The following ACSL5 variants were observed in gnomAD, a reference collection of about 807,000 sequenced individuals.
The protein encoded by ACSL5 is long-chain-fatty-acid--CoA ligase 5.
ACSL5 carries 50 observed loss-of-function variants against 84.9 expected under a neutral mutation model. The observed-to-expected ratio is 0.59, with a 90% CI of 0.47 to 0.75. ACSL5 has a LOEUF of 0.75. ACSL5 is among the 30% of genes least tolerant of loss of function. The probability of loss-of-function intolerance (pLI) is 0.00; values close to 1 mark genes in which losing one functional copy is unlikely to be tolerated. For synonymous variants in ACSL5, 280 were observed against 300.7 expected, an observed-to-expected ratio of 0.93 and a Z score of 0.71; for missense variants, 775 against 830.4, an observed-to-expected ratio of 0.93 and a Z score of 0.82.
chr10:112,406,597 G>A (rs1376099779), intron 5 of ACSL5: 1 of 152,190 alleles, frequency 6.6e-6, no homozygotes, highest in African/African-American at 2.4e-5. Context: ...CTTCAAGCTT[G>A]CTAATGTGTA....
rs116434083 is a variant in ACSL5 at position 112,409,908 on chromosome 10, A to G, written c.711+223A>G. On this transcript the variant is annotated intron_variant, in intron 7 of 20. Transcript: ENST00000354655. ...CTGTGGCCAGCTGTATGGACTTCTA[A>G]GTGGATAATATATAAATAGGGGTTT... 3.3e-3 allele frequency among the ~76,000 whole-genome samples: 504 copies of G among 152,264 alleles called. 3 individuals are homozygous for G. Among genetic ancestry groups the G allele is most frequent in the African/African-American group, 0.011 (475 of 41,558 alleles).
intron 11 of ACSL5, 81 bp from the exon 12 acceptor site, chr10:112,413,092 A>G (rs1406448425): frequency 6.6e-7 from 1 of 1,507,680 alleles, no homozygotes; most frequent in Non-Finnish European, 9.1e-7. Flanking sequence ...GCCTCAGCCC[A>G]CCTCCTGAAT....
At chr10:112,423,962 C>CCAAAA (rs1386544599) in intron 17 of ACSL5, among the ~76,000 whole-genome samples, 7 of 152,118 alleles carry the variant, frequency 4.6e-5, no homozygotes, top group East Asian at 1.9e-4. Flanking sequence ...TCTGTGTCTA[C>CCAAAA]CAAAACAAAA....
chr10:112,409,888 G>T (rs1234774855), intron 7 of ACSL5, among the ~76,000 whole-genome samples: 1 of 152,196 alleles, frequency 6.6e-6, no homozygotes, highest in Non-Finnish European at 1.5e-5. Context: ...AAGTTCTGTG[G>T]CCAGCTGTAT....
intron 14 of ACSL5, among the ~76,000 whole-genome samples, 164 bp downstream of exon 14, chr10:112,418,105 G>A: frequency 6.6e-6 from 1 of 152,204 alleles, no homozygotes; most frequent in East Asian, 1.9e-4. Context: ...AGGCATCTGT[G>A]TGTAGAAACC....
chr10:112,375,881 G>C (rs1357115908), intron 1 of ACSL5, among the ~76,000 whole-genome samples: 1 of 152,206 alleles, frequency 6.6e-6, no homozygotes, highest in Non-Finnish European at 1.5e-5. Flanking sequence ...GAAGGTGTTT[G>C]TGTGGGTCTG....
chr10:112,421,796 T>G (rs1844472011), intron 15 of ACSL5, 131 bp downstream of exon 15: 17 of 1,300,410 alleles, frequency 1.3e-5, no homozygotes, highest in Non-Finnish European at 1.9e-5. Flanking sequence ...AAGTTTTGGG[T>G]CCAGGCCTGC....
chr10:112,410,149 T>C, intron 7 of ACSL5: 1 of 1,324,022 alleles, frequency 7.6e-7, no homozygotes, highest in Non-Finnish European at 9.8e-7. Context: ...TAATAAGCTC[T>C]GAAAATGTTA....
At chr10:112,403,429 G>A (rs993386823) in intron 3 of ACSL5, among the ~76,000 whole-genome samples, 1 of 152,216 alleles carries the variant, frequency 6.6e-6, no homozygotes, top group Non-Finnish European at 1.5e-5. Context: ...TGGAATTACA[G>A]GCATGTGCTG....
chr10:112,395,443 A>T (rs561251204), intron 2 of ACSL5, among the ~76,000 whole-genome samples: 9 of 152,304 alleles, frequency 5.9e-5, no homozygotes, highest in African/African-American at 2.2e-4. Context: ...GGCATGTCCC[A>T]CAAAGCCTAA....
chr10:112,391,711 G>A (rs529760688), intron 1 of ACSL5, among the ~76,000 whole-genome samples: 12 of 152,268 alleles, frequency 7.9e-5, no homozygotes, highest in African/African-American at 2.9e-4. Context: ...ATGTGTTCTT[G>A]TTTATCCCAT....
At chr10:112,415,639 T>C (rs1844298283) in intron 12 of ACSL5, among the ~76,000 whole-genome samples, 1 of 152,212 alleles carries the variant, frequency 6.6e-6, no homozygotes. Context: ...ACAATGATAA[T>C]GTTATAGGCA....
intron 2 of ACSL5, chr10:112,396,023 C>T: frequency 6.6e-6 from 1 of 152,436 alleles, no homozygotes; most frequent in Non-Finnish European, 1.5e-5. Flanking sequence ...GAGTAGTTTG[C>T]TTATCGATTT....
Position 112,398,961 on chromosome 10 carries a change from G to C in ACSL5, c.217G>C (p.Asp73His). The change falls in exon 3 of 21, where the codon GAT becomes CAT. Residue 73 changes from aspartate to histidine, a missense_variant. Asp to His is a moderately conservative substitution (Grantham distance 81, BLOSUM62 -1). Coordinates refer to ENST00000354655, the MANE Select transcript of ACSL5 (RefSeq NM_203379.2). Reference protein sequence around the residue: ...NNDLTSCCFSDAKTMYEVFQR... With the variant: ...NNDLTSCCFSHAKTMYEVFQR... ...TGACCTAACAAGTTGCTGCTTCTCA[G>C]ATGCCAAGACTATGTATGAGGTTTT... is the stretch of plus-strand genomic sequence containing the variant. 6.2e-7 allele frequency: 1 copy of C among 1,614,108 alleles called. No individual in the cohort carries two copies. Among genetic ancestry groups the C allele is most frequent in the Non-Finnish European group, 8.5e-7 (1 of 1,180,000 alleles).
intron 1 of ACSL5, among the ~76,000 whole-genome samples, chr10:112,388,910 CT>C (rs1849505513): frequency 1.3e-5 from 2 of 152,144 alleles, no homozygotes; most frequent in South Asian, 2.1e-4. Context: ...AATACAGAGG[CT>C]TCCAGATGGG....
chr10:112,409,610 G>A lies in ACSL5; in HGVS notation c.636G>A (p.Met212Ile). The stretch of plus-strand genomic sequence containing the variant: ...CGAGCCTGAAGGTGATCATCCTTAT[G>A]GACCCCTTTGATGATGACCTGAAGC... ...FTPSLKVIIL[M>I]DPFDDDLKQR... is the part of the protein sequence containing the mutation. The change falls in exon 7 of 21, where the codon ATG becomes ATA. Residue 212 changes from methionine (M) to isoleucine (I), a missense_variant. Met to Ile is a conservative substitution (Grantham distance 10). Coordinates refer to ENST00000354655, the MANE Select transcript of ACSL5 (RefSeq NM_203379.2). The A allele has an allele frequency of 6.2e-7, 1 of 1,614,164 alleles. No individual in the cohort carries two copies. Among genetic ancestry groups the A allele is most frequent in the Non-Finnish European group, 8.5e-7 (1 of 1,180,016 alleles).
At position 112,410,445 on chromosome 10, in the gene ACSL5, G is replaced by A; in HGVS notation, c.712-18G>A. Reference sequence around the variant, plus strand: ...ATCTCAACTAATGTCTTTCTTTCTTGGTTTTCCATTCACATAGAACCTAGG... The same window carrying A: ...ATCTCAACTAATGTCTTTCTTTCTTAGTTTTCCATTCACATAGAACCTAGG... On this transcript the variant is annotated intron_variant, in intron 7 of 20. Coordinates refer to ENST00000354655, the MANE Select transcript of ACSL5 (RefSeq NM_203379.2). 1 of 1,613,954 alleles carries A rather than the reference G, an allele frequency of 6.2e-7. No homozygotes were observed. The highest frequency in any genetic ancestry group is 1.1e-5 in the South Asian group (1 of 91,052).
intron 5 of ACSL5, chr10:112,406,332 C>A (rs1274087207): frequency 6.6e-6 from 1 of 152,090 alleles, no homozygotes; most frequent in African/African-American, 2.4e-5. Flanking sequence ...GCACATGTAT[C>A]CCTCATGACC....
chr10:112,383,940 C>T (rs946427578), intron 1 of ACSL5, among the ~76,000 whole-genome samples: 2 of 152,058 alleles, frequency 1.3e-5, no homozygotes, highest in African/African-American at 4.8e-5. Flanking sequence ...TGCCTGTAAT[C>T]CCAGCACTTT....
Sources: allele counts gnomAD v4.1 joint callset (sites outside exome capture counted in the v4.1 genomes callset), GRCh38; gene constraint gnomAD v4.1.1; transcripts MANE v1.5; gene names NCBI Gene and HGNC (gene_info 2026-07-23, HGNC 2026-07-21).